Variants in PDXDC1 observed in about 807,000 individuals in gnomAD.
PDXDC1 encodes pyridoxal-dependent decarboxylase domain-containing protein 1.
Under a neutral mutation model 100.1 loss-of-function variants are expected in PDXDC1, and 42 were observed. That is an observed-to-expected ratio of 0.42 (90% CI 0.33 to 0.54). The LOEUF is 0.54. PDXDC1 is among the 20% of genes least tolerant of loss of function. The pLI is 0.10. For synonymous variants in PDXDC1, 260 were observed against 371.7 expected (o/e 0.70, Z 3.46); for missense variants, 636 against 979.2 (o/e 0.65, Z 4.68).
At chr16:15,129,029 TCTC>T (rs1449745034) in intron 16 of PDXDC1, among the ~76,000 whole-genome samples, 2 of 151,206 alleles carry the variant, frequency 1.3e-5, no homozygotes, top group African/African-American at 4.9e-5. Flanking sequence ...ATGGTCTCGA[TCTC>T]CTGACCCCGT....
chr16:15,035,377 T>C, intron 21 of PDXDC1, 72 bp from the exon 22 acceptor site: 1 of 749,966 alleles, frequency 1.3e-6, no homozygotes, highest in Non-Finnish European at 2.1e-6. Context: ...AGCAAGGCTG[T>C]GTGAGGGCAG....
intron 16 of PDXDC1, among the ~76,000 whole-genome samples, chr16:15,050,387 T>A (rs2044248492): frequency 6.6e-6 from 1 of 152,220 alleles, no homozygotes; most frequent in African/African-American, 2.4e-5. Context: ...TTCTATCAGC[T>A]TCTTGCCATT....
rs868592045 is a variant in PDXDC1 at position 15,046,947 on chromosome 16, G to A, written c.1399+16891G>A. ...GCGGTCCCCACATCTTCCTGGCCTC[G>A]TTTTCTCCACAGCCCCGCCTCACCA... On this transcript the variant is annotated intron_variant, in intron 16 of 16. Coordinates refer to the PDXDC1 transcript ENST00000535621. 1.8e-4 allele frequency among the ~76,000 whole-genome samples: 27 copies of A among 151,928 alleles called. 1 individual carries two copies. The highest frequency in any genetic ancestry group is 1.2e-3 in the South Asian group (6 of 4,808).
intron 1 of PDXDC1, among the ~76,000 whole-genome samples, chr16:14,980,223 A>T (rs1414792503): frequency 6.6e-6 from 1 of 152,304 alleles, no homozygotes; most frequent in East Asian, 1.9e-4. Flanking sequence ...ATCTAGGATT[A>T]TATGAGTTAT....
rs1368582360 is a variant in PDXDC1 at position 15,037,875 on chromosome 16, T to TA, written c.*1601dup. On this transcript the variant is annotated 3_prime_UTR_variant, in exon 23 of 23. Transcript: ENST00000396410. ...AAATGCCTTTGCCAAAATAAGGTTT[T>TA]ATTTTGAAAGTCATTTGATGAAAGT... is the stretch of plus-strand genomic sequence containing the variant. 2.4e-5 allele frequency: 13 copies of TA among 549,236 alleles called. No homozygotes were observed. Among genetic ancestry groups the TA allele is most frequent in the Non-Finnish European group, 3.5e-5 (11 of 312,076 alleles). 34.0% of individuals were successfully genotyped at this position (549,236 alleles called of 1,614,324 possible).
At chr16:15,129,056 C>T (rs2047914139) in intron 16 of PDXDC1, among the ~76,000 whole-genome samples, 2 of 151,664 alleles carry the variant, frequency 1.3e-5, no homozygotes, top group South Asian at 2.1e-4. Context: ...TTGCCTGCCT[C>T]GGCCTCCCAA....
the PDXDC1 span, among the ~76,000 whole-genome samples, chr16:15,150,347 C>CAATAAATAAATA: frequency 3.0e-3 from 426 of 141,206 alleles, 1 homozygote; most frequent in Non-Finnish European, 4.5e-3. Flanking sequence ...TCTCAAATAA[C>CAATAAATAAATA]AATAAATAAA....
chr16:14,984,490 TATA>T (rs1352465319), intron 1 of PDXDC1, among the ~76,000 whole-genome samples: 11 of 94,230 alleles, frequency 1.2e-4, no homozygotes, highest in African/African-American at 4.0e-4. Context: ...TATATATATA[TATA>T]TATTTTTTTT....
At chr16:15,147,836 C>G in the PDXDC1 span, among the ~76,000 whole-genome samples, 1 of 151,976 alleles carries the variant, frequency 6.6e-6, no homozygotes, top group Non-Finnish European at 1.5e-5. Context: ...TTACAGGCGC[C>G]CACCACCACA....
In PDXDC1 at chr16:14,996,524, A is replaced by G. The variant is rs545117722; in HGVS notation, c.22-1229A>G. On this transcript the variant is annotated intron_variant, in intron 1 of 22. Transcript: ENST00000396410. ...GTCAACAAGAATTTTCTCCCTAAAC[A>G]TAACTACAGAGATTAAGAATAGAGA... 1.7e-5 allele frequency: 3 copies of G among 180,914 alleles called. No individual in the cohort carries two copies. In the East Asian group the frequency reaches 5.2e-4, roughly 31 times the overall value. The allele number at this position is 180,914 out of a possible 1,614,324, so 11.2% of individuals were successfully genotyped here.
chr16:15,035,969 A>T (rs2151663102), intron 22 of PDXDC1, 47 bp from the exon 23 acceptor site: 2 of 1,561,320 alleles, frequency 1.3e-6, no homozygotes, highest in East Asian at 4.5e-5. Context: ...TGTGTTGCAG[A>T]AGTATCCTCA....
chr16:15,136,663 A>C (rs1156556568), intron 16 of PDXDC1: 1 of 988,990 alleles, frequency 1.0e-6, no homozygotes, highest in Non-Finnish European at 1.6e-6. Context: ...CTGCGCCTGC[A>C]GCCAGGCCGC....
intron 11 of PDXDC1, among the ~76,000 whole-genome samples, chr16:15,018,345 G>A (rs1331894093): frequency 6.6e-6 from 1 of 152,366 alleles, no homozygotes; most frequent in African/African-American, 2.4e-5. Flanking sequence ...GGAGATCAAG[G>A]CTGCAGTGAG....
chr16:15,044,386 T>C, intron 16 of PDXDC1: 1 of 1,613,184 alleles, frequency 6.2e-7, no homozygotes, highest in Non-Finnish European at 8.5e-7. Flanking sequence ...CACTGAAGCC[T>C]CCAACAAGGT....
At chr16:15,011,155 ACTTAC>A (rs2041226844) in intron 8 of PDXDC1, among the ~76,000 whole-genome samples, 1 of 152,296 alleles carries the variant, frequency 6.6e-6, no homozygotes, top group East Asian at 1.9e-4. Flanking sequence ...AAATTGGAAG[ACTTAC>A]CTTGTCATAC....
intron 12 of PDXDC1, among the ~76,000 whole-genome samples, chr16:15,020,668 G>A (rs1201019343): frequency 3.3e-5 from 5 of 151,912 alleles, no homozygotes; most frequent in African/African-American, 7.2e-5. Flanking sequence ...CAGCCAGAGC[G>A]AAACTCAGTC....
At chr16:15,122,040 T>G (rs1341224137) in intron 16 of PDXDC1, 12 of 289,166 alleles carry the variant, frequency 4.1e-5, no homozygotes, top group African/African-American at 2.7e-4. Flanking sequence ...AGCCAGGCGT[T>G]GTAATCTGAG....
intron 16 of PDXDC1, chr16:15,132,787 C>T (rs1376330894): frequency 2.8e-5 from 35 of 1,232,220 alleles, no homozygotes; most frequent in Non-Finnish European, 7.1e-6. Context: ...TCAGGGACAC[C>T]AGAGTCTCCG....
At chr16:15,085,170 C>T (rs1441286207) in intron 16 of PDXDC1, among the ~76,000 whole-genome samples, 2 of 152,164 alleles carry the variant, frequency 1.3e-5, no homozygotes, top group Admixed American at 6.5e-5. Context: ...TTTTCTCCAC[C>T]AGCATCAACG....
Sources: allele counts gnomAD v4.1 joint callset (sites outside exome capture counted in the v4.1 genomes callset), GRCh38; gene constraint gnomAD v4.1.1; transcripts MANE v1.5; gene names NCBI Gene and HGNC (gene_info 2026-07-23, HGNC 2026-07-21).